MRE11: variants seen among roughly 807,000 people sequenced by gnomAD.
MRE11 encodes double-strand break repair protein MRE11.
Under a neutral mutation model 91.7 loss-of-function variants are expected in MRE11, and 62 were observed. The observed-to-expected ratio is 0.68, with a 90% CI of 0.55 to 0.84. The LOEUF is 0.84. Among genes scored for constraint, MRE11 ranks in the 40% least tolerant of loss-of-function variants. The pLI is 0.00. For synonymous variants in MRE11, 273 were observed against 271.4 expected (o/e 1.01, Z -0.06); for missense variants, 796 against 852.9 (o/e 0.93, Z 0.83).
chr11:94,464,100 A>T lies in MRE11; in HGVS notation c.1225+13T>A. ...AAGAACATTTTTTTACCTCATAAAAATAACTAGCTTACCTGTTTTTTCCTT... is the reference window on the plus strand; with the variant it reads ...AAGAACATTTTTTTACCTCATAAAATTAACTAGCTTACCTGTTTTTTCCTT... On this transcript the variant is annotated intron_variant, in intron 11 of 19. Transcript: ENST00000323929. The T allele has an allele frequency of 6.2e-7, 1 of 1,611,974 alleles. No individual in the cohort carries two copies. The highest frequency in any genetic ancestry group is 8.5e-7 in the Non-Finnish European group (1 of 1,179,278).
intron 3 of MRE11, among the ~76,000 whole-genome samples, chr11:94,490,006 C>T (rs1220794352): frequency 6.6e-6 from 1 of 152,164 alleles, no homozygotes; most frequent in Non-Finnish European, 1.5e-5. Flanking sequence ...CCTCTTTTTG[C>T]AGTATCCCTT....
chr11:94,492,550 T>A lies in MRE11; in HGVS notation c.20+232A>T, dbSNP rs560139392. On this transcript the variant is annotated intron_variant, in intron 2 of 19. Transcript: ENST00000323929. ...GCCTAAGAACATAAACAATACTATA[T>A]CAATATATCAAATTACTGCAAGACT... 10 of 701,892 alleles carry A rather than the reference T, an allele frequency of 1.4e-5. No individual in the cohort carries two copies. In the South Asian group the frequency reaches 1.8e-4, roughly 13 times the overall value. 43.5% of individuals were successfully genotyped at this position (701,892 alleles called of 1,614,324 possible). A position where few individuals can be genotyped will look rare whatever the true frequency, so the allele number is the denominator to read the frequency against.
intron 10 of MRE11, among the ~76,000 whole-genome samples, chr11:94,465,332 G>T (rs1211376890): frequency 2.0e-5 from 3 of 151,624 alleles, no homozygotes; most frequent in South Asian, 4.2e-4. Context: ...CCATAATGAA[G>T]AGAACTATGT....
chr11:94,490,421 C>T (rs899502719), intron 3 of MRE11, among the ~76,000 whole-genome samples: 1 of 152,170 alleles, frequency 6.6e-6, no homozygotes, highest in Non-Finnish European at 1.5e-5. Flanking sequence ...TTTTCTGCCT[C>T]TAAACTCAAA....
upstream of MRE11, chr11:94,498,834 GAA>G: frequency 3.1e-6 from 1 of 319,486 alleles, no homozygotes; most frequent in Non-Finnish European, 5.8e-6. Flanking sequence ...TGATACAAGA[GAA>G]ATGTATTTTT....
chr11:94,433,921 C>T (rs560430440), intron 18 of MRE11, among the ~76,000 whole-genome samples: 68 of 152,146 alleles, frequency 4.5e-4, no homozygotes, highest in Non-Finnish European at 8.4e-4. Flanking sequence ...CTTTCCATGA[C>T]CATCCTTCAA....
chr11:94,417,300 T>C lies in MRE11; in HGVS notation c.*2825A>G, dbSNP rs375244024. ...CCCATTGAGATACTTTTTTACTCAGTTTTTTTCTAAGAATGGATTTTCCTC... is the reference window on the plus strand; with the variant it reads ...CCCATTGAGATACTTTTTTACTCAGCTTTTTTCTAAGAATGGATTTTCCTC... On this transcript the variant is annotated 3_prime_UTR_variant, in exon 20 of 20. Transcript: ENST00000323929. 4.8e-6 allele frequency: 1 copy of C among 209,558 alleles called. No individual in the cohort carries two copies. Among genetic ancestry groups the C allele is most frequent in the East Asian group, 7.2e-5 (1 of 13,844 alleles). The allele number at this position is 209,558 out of a possible 1,614,324, so 13.0% of individuals were successfully genotyped here. A position where few individuals can be genotyped will look rare whatever the true frequency, so the allele number is the denominator to read the frequency against.
chr11:94,445,663 G>C, intron 16 of MRE11, 147 bp downstream of exon 16: 1 of 687,684 alleles, frequency 1.5e-6, no homozygotes, highest in East Asian at 2.7e-5. Flanking sequence ...GCATAGCAAA[G>C]ATCTTTTAAA....
chr11:94,503,950 ATAAT>A, the MRE11 span, among the ~76,000 whole-genome samples: 2 of 152,106 alleles, frequency 1.3e-5, no homozygotes, highest in Non-Finnish European at 2.9e-5. Context: ...CCAGATATAG[ATAAT>A]TAATTTTTGA....
chr11:94,504,765 G>A, the MRE11 span, among the ~76,000 whole-genome samples: 1 of 152,124 alleles, frequency 6.6e-6, no homozygotes, highest in African/African-American at 2.4e-5. Flanking sequence ...GTAATATGAA[G>A]TAACTTATTT....
chr11:94,498,532 A>C, upstream of MRE11: 1 of 1,602,806 alleles, frequency 6.2e-7, no homozygotes, highest in Non-Finnish European at 8.5e-7. Context: ...CTCAGTCTTA[A>C]CAATTCTAGT....
the MRE11 span, chr11:94,512,327 T>G: frequency 1.2e-4 from 50 of 420,006 alleles, no homozygotes; most frequent in African/African-American, 9.4e-4. Context: ...GTCCTTTGCT[T>G]TGGTCAATGA....
At chr11:94,490,700 T>G in intron 3 of MRE11, 133 bp downstream of exon 3, 1 of 1,005,644 alleles carries the variant, frequency 9.9e-7, no homozygotes. Context: ...GCTTTGAGCT[T>G]TCAGTATATT....
chr11:94,498,040 G>C, upstream of MRE11: 1 of 1,504,282 alleles, frequency 6.6e-7, no homozygotes, highest in Non-Finnish European at 8.9e-7. Flanking sequence ...GGTTTGAGTT[G>C]AGTTGAAAGA....
intron 7 of MRE11, chr11:94,473,637 G>A (rs1038301073): frequency 6.6e-6 from 1 of 151,766 alleles, no homozygotes; most frequent in Non-Finnish European, 1.5e-5. Context: ...CATTACCAAA[G>A]AACCACATAA....
At chr11:94,423,550 C>A (rs1945230294) in intron 19 of MRE11, among the ~76,000 whole-genome samples, 1 of 152,220 alleles carries the variant, frequency 6.6e-6, no homozygotes, top group Non-Finnish European at 1.5e-5. Context: ...AGCCTGGGGC[C>A]AGCTTCCCTG....
chr11:94,455,583 A>T (rs1266980819), intron 14 of MRE11, among the ~76,000 whole-genome samples: 1 of 152,198 alleles, frequency 6.6e-6, no homozygotes, highest in Non-Finnish European at 1.5e-5. Flanking sequence ...CCCCAAATTT[A>T]AGTAAATGGT....
intron 16 of MRE11, among the ~76,000 whole-genome samples, chr11:94,441,111 G>A (rs539205161): frequency 1.1e-4 from 16 of 152,114 alleles, no homozygotes; most frequent in Non-Finnish European, 2.2e-4. Flanking sequence ...TCCCCTGCAT[G>A]CCACTCCTGA....
At chr11:94,449,182 G>A (rs1028225756) in intron 14 of MRE11, among the ~76,000 whole-genome samples, 6 of 152,166 alleles carry the variant, frequency 3.9e-5, no homozygotes, top group Non-Finnish European at 7.4e-5. Context: ...AAGGCAGGCA[G>A]CATAAAGTGG....
Sources: allele counts gnomAD v4.1 joint callset (sites outside exome capture counted in the v4.1 genomes callset), GRCh38; gene constraint gnomAD v4.1.1; transcripts MANE v1.5; gene names NCBI Gene and HGNC (gene_info 2026-07-23, HGNC 2026-07-21).